The following RALGAPB variants were observed in gnomAD, a reference collection of about 807,000 sequenced individuals.
RALGAPB encodes the protein Ral GTPase activating protein non-catalytic subunit beta, also known as ral GTPase-activating protein subunit beta.
Under a neutral mutation model 161.1 loss-of-function variants are expected in RALGAPB, and 25 were observed. The ratio of observed to expected loss-of-function variants is 0.16; its 90% confidence interval spans 0.11 to 0.22. RALGAPB has a LOEUF of 0.22. Among genes scored for constraint, RALGAPB ranks in the 10% least tolerant of loss-of-function variants. The pLI is 1.00. For synonymous variants in RALGAPB, 629 were observed against 626.1 expected (o/e 1.00, Z -0.07); for missense variants, 1,391 against 1,815.2 (o/e 0.77, Z 4.25).
intron 16 of RALGAPB, among the ~76,000 whole-genome samples, chr20:38,536,353 C>T (rs901881181): frequency 3.3e-5 from 5 of 151,810 alleles, no homozygotes; most frequent in Admixed American, 3.3e-4. Flanking sequence ...GTGTATATAC[C>T]CCAGTTTACC....
intron 2 of RALGAPB, among the ~76,000 whole-genome samples, chr20:38,491,073 C>G (rs1301402604): frequency 6.6e-6 from 1 of 152,228 alleles, no homozygotes; most frequent in Non-Finnish European, 1.5e-5. Flanking sequence ...TCTTGCTACA[C>G]CCTGCTCCAA....
chr20:38,499,530 A>G lies in RALGAPB; in HGVS notation c.637A>G (p.Thr213Ala). The change falls in exon 5 of 30, where the codon ACA (threonine) becomes GCA (alanine). Residue 213 changes from threonine (T) to alanine (A), a missense_variant. Transcript: ENST00000262879. ...WLLACTRCFP[T>A]PPYWKTAKEM... ...ACTAGCTTGTACTCGGTGCTTCCCA[A>G]CACCTCCTTATTGGAAAACAGCCAA... is the stretch of plus-strand genomic sequence containing the variant. The G allele has an allele frequency of 1.2e-6, 2 of 1,613,994 alleles. No homozygotes were observed. The highest frequency in any genetic ancestry group is 1.7e-5 in the Admixed American group (1 of 60,000).
At chr20:38,525,299 A>G in intron 11 of RALGAPB, 105 bp from the exon 12 acceptor site, 2 of 776,218 alleles carry the variant, frequency 2.6e-6, no homozygotes, top group Non-Finnish European at 4.4e-6. Context: ...ACAATATACA[A>G]ATACACAATG....
At chr20:38,569,726 G>A (rs1489714213) in intron 26 of RALGAPB, 162 bp from the exon 27 acceptor site, 1 of 578,548 alleles carries the variant, frequency 1.7e-6, no homozygotes, top group African/African-American at 1.9e-5. Flanking sequence ...AGCCAAAGAA[G>A]AGCTTTGTTG....
rs2085319654 is a variant in RALGAPB at position 38,492,906 on chromosome 20, A to G, written c.187-24A>G. The G allele has an allele frequency of 3.2e-6, 5 of 1,551,808 alleles. No homozygotes were observed. In the African/African-American group the frequency reaches 5.5e-5, roughly 17 times the overall value. On this transcript the variant is annotated intron_variant, in intron 2 of 29. Transcript: ENST00000262879. ...TGAGATAGGAACGTGTAATAATTCT[A>G]TATGGATATTTTCTTTTGTCTAGGT...
chr20:38,536,718 C>T (rs2086818269), intron 16 of RALGAPB, among the ~76,000 whole-genome samples: 2 of 152,046 alleles, frequency 1.3e-5, no homozygotes, highest in African/African-American at 2.4e-5. Flanking sequence ...AACAAAGAGC[C>T]GATAACCAGG....
intron 18 of RALGAPB, among the ~76,000 whole-genome samples, 174 bp from the exon 19 acceptor site, chr20:38,546,069 G>A (rs538749467): frequency 3.9e-5 from 6 of 152,100 alleles, no homozygotes; most frequent in Admixed American, 1.3e-4. Flanking sequence ...ATCTTGGAGG[G>A]GAGAGTCTGG....
chr20:38,545,666 G>A (rs912685705), intron 18 of RALGAPB, among the ~76,000 whole-genome samples: 6 of 152,108 alleles, frequency 3.9e-5, no homozygotes, highest in Admixed American at 2.0e-4. Flanking sequence ...CTCCTAAAAC[G>A]AAGACTGTCT....
intron 6 of RALGAPB, among the ~76,000 whole-genome samples, chr20:38,512,155 T>A (rs770959235): frequency 3.4e-4 from 52 of 152,274 alleles, no homozygotes; most frequent in Admixed American, 7.8e-4. Flanking sequence ...TGCTATTCTG[T>A]CTTCTAGATG....
intron 6 of RALGAPB, among the ~76,000 whole-genome samples, chr20:38,514,632 C>T (rs2086072349): frequency 1.3e-5 from 2 of 152,192 alleles, no homozygotes; most frequent in Admixed American, 6.5e-5. Flanking sequence ...GGGAGATAGG[C>T]ATCAACATTT....
At chr20:38,484,536 T>TTTTTTG (rs906548384) in intron 1 of RALGAPB, among the ~76,000 whole-genome samples, 1 of 152,202 alleles carries the variant, frequency 6.6e-6, no homozygotes, top group African/African-American at 2.4e-5. Context: ...GACATTGTGT[T>TTTTTTG]TTTTTGTTTT....
intron 23 of RALGAPB, 73 bp from the exon 24 acceptor site, chr20:38,562,459 A>G (rs542564056): frequency 7.5e-6 from 10 of 1,334,306 alleles, no homozygotes; most frequent in African/African-American, 1.5e-5. Context: ...AAACTAACCA[A>G]TTTTTATGAA....
chr20:38,502,616 C>T (rs943910622), intron 5 of RALGAPB, among the ~76,000 whole-genome samples: 1 of 152,134 alleles, frequency 6.6e-6, no homozygotes, highest in African/African-American at 2.4e-5. Flanking sequence ...GAGACAGTCT[C>T]ACTTTTTCAC....
chr20:38,484,757 G>A (rs760398522), intron 1 of RALGAPB, among the ~76,000 whole-genome samples: 6 of 152,234 alleles, frequency 3.9e-5, no homozygotes, highest in Admixed American at 1.3e-4. Flanking sequence ...GTGCAATGGC[G>A]CGATCTCGGC....
chr20:38,553,777 C>CAAAAAAAA lies in RALGAPB; in HGVS notation c.3163-73_3163-66dup, dbSNP rs35778032. The CAAAAAAAA allele has an allele frequency of 1.3e-4, 35 of 278,764 alleles. 1 individual carries two copies. Among genetic ancestry groups the CAAAAAAAA allele is most frequent in the Admixed American group, 3.6e-4 (5 of 13,808 alleles). 17.3% of individuals were successfully genotyped at this position (278,764 alleles called of 1,614,324 possible). ...GCTTGGTCAACATAGAGCCCAGTCT[C>CAAAAAAAA]AAAAAAAAAAAAAAAAAAAAAAAAC... On this transcript the variant is annotated intron_variant, in intron 21 of 29. Transcript: ENST00000262879.
intron 28 of RALGAPB, chr20:38,573,871 TA>T (rs2088333675): frequency 4.6e-6 from 1 of 216,724 alleles, no homozygotes; most frequent in African/African-American, 2.3e-5. Flanking sequence ...CCAGTGTCCC[TA>T]TTGGTTTTCC....
intron 9 of RALGAPB, among the ~76,000 whole-genome samples, chr20:38,518,965 G>A (rs553283876): frequency 6.6e-6 from 1 of 152,102 alleles, no homozygotes; most frequent in Non-Finnish European, 1.5e-5. Context: ...ATTCTTAGCT[G>A]TTACTATAAT....
intron 10 of RALGAPB, among the ~76,000 whole-genome samples, chr20:38,522,605 AT>A (rs1336301398): frequency 6.6e-6 from 1 of 152,202 alleles, no homozygotes; most frequent in Non-Finnish European, 1.5e-5. Flanking sequence ...TCAACAGAGT[AT>A]TTAGATATCT....
At chr20:38,552,479 C>G (rs2087411997) in intron 21 of RALGAPB, among the ~76,000 whole-genome samples, 1 of 152,038 alleles carries the variant, frequency 6.6e-6, no homozygotes, top group African/African-American at 2.4e-5. Flanking sequence ...TTTTTACATT[C>G]AAGGATGTGA....
Sources: allele counts gnomAD v4.1 joint callset (sites outside exome capture counted in the v4.1 genomes callset), GRCh38; gene constraint gnomAD v4.1.1; transcripts MANE v1.5; gene names NCBI Gene and HGNC (gene_info 2026-07-23, HGNC 2026-07-21).